Variants in PTPRN2 observed in about 807,000 individuals in gnomAD.
PTPRN2 encodes receptor-type tyrosine-protein phosphatase N2.
PTPRN2 carries 74 observed loss-of-function variants against 118.8 expected under a neutral mutation model. That is an observed-to-expected ratio of 0.62 (90% CI 0.52 to 0.76). The LOEUF (loss-of-function observed/expected upper bound fraction) is 0.76, where lower values mean the gene tolerates loss of function less well. Ranked by LOEUF, PTPRN2 falls within the 30% of genes least tolerant of loss-of-function variation. The pLI is 0.00. For missense variants in PTPRN2, 1,481 were observed against 1,394.4 expected, an observed-to-expected ratio of 1.06 and a Z score of -0.99; for synonymous variants, 641 against 608.0, an observed-to-expected ratio of 1.05 and a Z score of -0.80.
chr7:158,340,159 C>A (rs1330469200), intron 2 of PTPRN2, among the ~76,000 whole-genome samples: 1 of 86,958 alleles, frequency 1.1e-5, no homozygotes, highest in African/African-American at 4.0e-5. Flanking sequence ...ACACTCTCAC[C>A]ATAAGACCTG....
At chr7:157,770,603 C>G (rs918500378) in intron 12 of PTPRN2, among the ~76,000 whole-genome samples, 2 of 152,180 alleles carry the variant, frequency 1.3e-5, no homozygotes, top group Non-Finnish European at 2.9e-5. Flanking sequence ...TAAAAATTAG[C>G]GCTATAGGGG....
chr7:158,373,238 G>T (rs1384027513), intron 2 of PTPRN2, among the ~76,000 whole-genome samples: 2 of 152,236 alleles, frequency 1.3e-5, no homozygotes, highest in African/African-American at 4.8e-5. Flanking sequence ...GAAATAGAGT[G>T]CCAAATGGAT....
intron 4 of PTPRN2, among the ~76,000 whole-genome samples, chr7:158,195,361 T>C (rs750620750): frequency 1.5e-4 from 23 of 152,208 alleles, no homozygotes; most frequent in Non-Finnish European, 2.5e-4. Context: ...CACCTTTTTT[T>C]CCTCTGGCTG....
chr7:157,925,789 T>C (rs4716810), intron 11 of PTPRN2, among the ~76,000 whole-genome samples: 117,762 of 150,904 alleles, frequency 0.78, 46,177 homozygotes, highest in African/African-American at 0.84. Context: ...GAAACGACGC[T>C]GAATCACCAG....
rs1015775760 is a variant in PTPRN2, at chr7:157,596,594, G to A, written c.2419-1279C>T. On this transcript the variant is annotated intron_variant, in intron 16 of 22. Coordinates refer to ENST00000389418, the MANE Select transcript of PTPRN2 (RefSeq NM_002847.5). The surrounding 1 kb of genome is among the most constrained non-coding windows in gnomAD (Gnocchi z 4.2). ...TTCTGTCTTCCAGAGGGCAAGCCCA[G>A]GCCACCCTGCAAAGGACACGAAGAT... Among the ~76,000 whole-genome samples the A allele has an allele frequency of 1.3e-5, 2 of 152,196 alleles. No individual in the cohort carries two copies. Among genetic ancestry groups the A allele is most frequent in the Non-Finnish European group, 2.9e-5 (2 of 68,038 alleles).
rs1802894890 is a variant in PTPRN2, at chr7:157,617,871, T to C, written c.2344+3491A>G. Reference sequence around the variant, plus strand: ...ATTGTTTGTCCTGGTTCTCTCTCTCTCTCTCGTTATTACAACATAGAGCCA... The same window carrying C: ...ATTGTTTGTCCTGGTTCTCTCTCTCCCTCTCGTTATTACAACATAGAGCCA... On this transcript the variant is annotated intron_variant, in intron 15 of 22. Transcript: ENST00000389418. The surrounding 1 kb of genome is among the most constrained non-coding windows in gnomAD (Gnocchi z 7.5). The C allele has an allele frequency of 6.6e-6, 1 of 152,292 alleles. No homozygotes were observed. The highest frequency in any genetic ancestry group is 1.5e-5 in the Non-Finnish European group (1 of 68,056). 9.4% of individuals were successfully genotyped at this position (152,292 alleles called of 1,614,324 possible).
chr7:158,268,800 G>A lies in PTPRN2; in HGVS notation c.277+48019C>T, dbSNP rs1204473619. ...CCAGCCGCACACACACAGGGCGGGT[G>A]TGAAATATCCCAGCCGCACGCACAC... On this transcript the variant is annotated intron_variant, in intron 3 of 22. Coordinates refer to ENST00000389418, the MANE Select transcript of PTPRN2 (RefSeq NM_002847.5). Among the ~76,000 whole-genome samples the A allele has an allele frequency of 8.2e-4, 111 of 136,116 alleles. 10 individuals are homozygous for A. The highest frequency in any genetic ancestry group is 2.9e-3 in the African/African-American group (99 of 34,672). 89.3% of individuals were successfully genotyped at this position (136,116 alleles called of 152,430 possible).
chr7:157,849,355 T>G (rs1529837), intron 12 of PTPRN2, among the ~76,000 whole-genome samples: 108,340 of 151,988 alleles, frequency 0.71, 39,367 homozygotes, highest in East Asian at 0.95. Context: ...TGTCAGACAC[T>G]ACGGGGCCGA....
At chr7:158,069,111 G>A (rs1427552071) in intron 11 of PTPRN2, among the ~76,000 whole-genome samples, 1 of 152,202 alleles carries the variant, frequency 6.6e-6, no homozygotes, top group East Asian at 1.9e-4. Context: ...AGTCCAGGGA[G>A]GAGTGAGCAG....
intron 1 of PTPRN2, among the ~76,000 whole-genome samples, chr7:158,579,527 T>G (rs1828516454): frequency 6.6e-6 from 1 of 152,220 alleles, no homozygotes; most frequent in Admixed American, 6.5e-5. Flanking sequence ...ATAGGTGAAG[T>G]CTTTCCATTT....
At chr7:158,051,414 A>G (rs1406824938) in intron 11 of PTPRN2, among the ~76,000 whole-genome samples, 1 of 152,220 alleles carries the variant, frequency 6.6e-6, no homozygotes, top group Non-Finnish European at 1.5e-5. Flanking sequence ...TGCTGGCCCC[A>G]GCCTGGGTCC....
chr7:157,588,344 C>T (rs1800793584), intron 17 of PTPRN2, among the ~76,000 whole-genome samples: 1 of 152,218 alleles, frequency 6.6e-6, no homozygotes, highest in Non-Finnish European at 1.5e-5. Context: ...GCAGCAGGTG[C>T]AGGCAGTAGG....
chr7:157,858,063 CT>C (rs1266431542), intron 12 of PTPRN2, among the ~76,000 whole-genome samples: 8 of 141,950 alleles, frequency 5.6e-5, no homozygotes, highest in Non-Finnish European at 9.5e-5. Flanking sequence ...ACCACCCACA[CT>C]CCTGCAGGGA....
intron 1 of PTPRN2, among the ~76,000 whole-genome samples, chr7:158,515,450 G>A (rs1035043973): frequency 1.3e-5 from 2 of 152,058 alleles, no homozygotes; most frequent in Non-Finnish European, 2.9e-5. Context: ...GCCTCCCAAA[G>A]TGCTGGGATT....
chr7:158,213,087 AC>A (rs1423740667), intron 3 of PTPRN2, among the ~76,000 whole-genome samples: 2 of 152,146 alleles, frequency 1.3e-5, no homozygotes, highest in Non-Finnish European at 2.9e-5. Flanking sequence ...ACTTAGAACT[AC>A]CCCATGCAAT....
intron 1 of PTPRN2, chr7:158,541,479 T>C: frequency 1.5e-6 from 2 of 1,352,102 alleles, no homozygotes; most frequent in African/African-American, 1.5e-5. Flanking sequence ...CTCCGTCCTC[T>C]CCCTCGTCTG....
chr7:158,153,824 A>G (rs1299129185), intron 6 of PTPRN2, among the ~76,000 whole-genome samples: 1 of 150,108 alleles, frequency 6.7e-6, no homozygotes, highest in Non-Finnish European at 1.5e-5. Flanking sequence ...GTCTGGTCAG[A>G]TCTGGTTAGG....
chr7:157,877,983 C>T lies in PTPRN2; in HGVS notation c.1788+20690G>A, dbSNP rs1036148952. The stretch of plus-strand genomic sequence containing the variant: ...ATTAACAGCGCCCCAAGGAAAATCC[C>T]GCGTATGTCAGTAGGAAGCGTTCTT... On this transcript the variant is annotated intron_variant, in intron 12 of 22. Transcript: ENST00000389418. 2.6e-5 allele frequency among the ~76,000 whole-genome samples: 4 copies of T among 152,190 alleles called. No individual in the cohort carries two copies. The South Asian group carries it at 6.2e-4, about 24-fold the overall frequency.
intron 2 of PTPRN2, among the ~76,000 whole-genome samples, chr7:158,317,844 G>A (rs948772805): frequency 7.2e-5 from 11 of 152,208 alleles, no homozygotes; most frequent in South Asian, 4.1e-4. Context: ...CCAGGCTGAC[G>A]GTAATTGCTG....
Sources: gnomAD v4.1 joint callset for allele counts (sites outside exome capture counted in the v4.1 genomes callset) on GRCh38, gnomAD v4.1.1 for gene constraint, Gnocchi (gnomAD v3.1) non-coding constraint, MANE v1.5 for transcripts, NCBI Gene and HGNC (gene_info 2026-07-23, HGNC 2026-07-21) for gene names.